The following TPO variants were observed in gnomAD, a reference collection of about 807,000 sequenced individuals.
TPO encodes the protein thyroid microsomal antigen.
TPO carries 78 observed loss-of-function variants against 96.9 expected under a neutral mutation model. That is an observed-to-expected ratio of 0.81 (90% CI 0.67 to 0.97). The LOEUF is 0.97. Among genes scored for constraint, TPO ranks in the 50% least tolerant of loss-of-function variants. The pLI is 0.00. For synonymous variants in TPO, 547 were observed against 538.0 expected, an observed-to-expected ratio of 1.02 and a Z score of -0.23; for missense variants, 1,252 against 1,274.8, an observed-to-expected ratio of 0.98 and a Z score of 0.27.
At position 1,484,790 on chromosome 2, in the gene TPO, C is replaced by T. The variant is rs1345012879; in HGVS notation, c.1533C>T (p.His511=). 1.9e-6 allele frequency: 3 copies of T among 1,613,976 alleles called. No homozygotes were observed. Among genetic ancestry groups the T allele is most frequent in the East Asian group, 2.2e-5 (1 of 44,892 alleles). ...VRRLDASFQE[H]PDLPGLWLHQ... The stretch of plus-strand genomic sequence containing the variant: ...GGCTGGACGCCAGCTTCCAGGAGCA[C>T]CCCGACCTGCCCGGGCTGTGGCTGC... Residue 511 remains histidine, a synonymous_variant, in exon 9 of 17, where the codon CAC becomes CAT. Transcript: ENST00000329066.
intron 14 of TPO, chr2:1,512,331 C>G (rs887320729): frequency 8.7e-6 from 8 of 922,384 alleles, no homozygotes; most frequent in African/African-American, 3.6e-5. Flanking sequence ...CGTTCCCTCC[C>G]AGTGCTACCT....
intron 4 of TPO, 117 bp from the exon 5 acceptor site, chr2:1,436,135 A>G (rs1665545372): frequency 2.0e-6 from 3 of 1,513,854 alleles, no homozygotes; most frequent in East Asian, 4.5e-5. Flanking sequence ...CAGTGACCCC[A>G]GTTACATATG....
At chr2:1,526,008 T>A (rs560997244) in intron 15 of TPO, among the ~76,000 whole-genome samples, 2 of 114,948 alleles carry the variant, frequency 1.7e-5, no homozygotes, top group East Asian at 6.1e-4. Context: ...TCCCCCACTG[T>A]GTGCAACCTC....
intron 7 of TPO, among the ~76,000 whole-genome samples, chr2:1,476,387 G>A (rs1386530990): frequency 6.6e-6 from 1 of 152,152 alleles, no homozygotes; most frequent in Non-Finnish European, 1.5e-5. Context: ...CAGGAAACCT[G>A]TAAATCTGGA....
chr2:1,424,499 G>A (rs937384359), intron 3 of TPO, among the ~76,000 whole-genome samples: 11 of 152,126 alleles, frequency 7.2e-5, no homozygotes, highest in African/African-American at 2.2e-4. Context: ...GTGGTTAGGC[G>A]AGGACATTAG....
chr2:1,533,315 C>T (rs1164913245), intron 15 of TPO, among the ~76,000 whole-genome samples: 3 of 30,554 alleles, frequency 9.8e-5, no homozygotes, highest in Admixed American at 5.2e-4. Flanking sequence ...CCCCACTCTG[C>T]GCAACCTCCT....
chr2:1,498,468 G>A (rs374186442), intron 13 of TPO, among the ~76,000 whole-genome samples: 1 of 152,366 alleles, frequency 6.6e-6, no homozygotes, highest in African/African-American at 2.4e-5. Flanking sequence ...CATGGATAGG[G>A]CAGAGGCCTG....
intron 2 of TPO, among the ~76,000 whole-genome samples, chr2:1,420,229 G>T (rs1484211662): frequency 6.6e-6 from 1 of 152,090 alleles, no homozygotes. Flanking sequence ...TATTAATATT[G>T]GTCAATAACA....
At chr2:1,435,410 T>C (rs1665471165) in intron 4 of TPO, among the ~76,000 whole-genome samples, 1 of 152,232 alleles carries the variant, frequency 6.6e-6, no homozygotes, top group Non-Finnish European at 1.5e-5. Context: ...CGTTGGACTG[T>C]TAGTGAGCAT....
At chr2:1,388,563 G>A (rs368177022) in intron 1 of TPO, among the ~76,000 whole-genome samples, 12 of 152,208 alleles carry the variant, frequency 7.9e-5, no homozygotes, top group South Asian at 2.1e-4. Context: ...TTGGAAAAGC[G>A]CAGTATTATG....
intron 7 of TPO, among the ~76,000 whole-genome samples, chr2:1,467,384 A>G (rs1669000787): frequency 6.6e-6 from 1 of 152,144 alleles, no homozygotes; most frequent in African/African-American, 2.4e-5. Flanking sequence ...GATTACAGGC[A>G]TGAGCCACTG....
At chr2:1,536,119 A>C (rs1227542228) in intron 15 of TPO, among the ~76,000 whole-genome samples, 1 of 34,570 alleles carries the variant, frequency 2.9e-5, no homozygotes, top group Non-Finnish European at 5.3e-5. Context: ...CATTATGTGC[A>C]ACCTCCCCAA....
At chr2:1,374,895 T>A (rs1378540090) in intron 1 of TPO, among the ~76,000 whole-genome samples, 2 of 150,616 alleles carry the variant, frequency 1.3e-5, no homozygotes, top group African/African-American at 4.9e-5. Context: ...CCCAGCTAAA[T>A]TTTTTTTGTA....
At chr2:1,453,653 TC>T (rs1667516847) in intron 5 of TPO, 40 bp from the exon 6 acceptor site, 4 of 1,613,620 alleles carry the variant, frequency 2.5e-6, no homozygotes, top group Non-Finnish European at 3.4e-6. Flanking sequence ...TCTGTGTTCT[TC>T]TCCCCCATCT....
chr2:1,480,849 ATAC>A (rs1670569370), intron 8 of TPO, among the ~76,000 whole-genome samples: 1 of 151,282 alleles, frequency 6.6e-6, no homozygotes, highest in African/African-American at 2.4e-5. Context: ...TGTCCTCACC[ATAC>A]CCACTCTAAT....
At chr2:1,450,265 G>A (rs933568438) in intron 5 of TPO, among the ~76,000 whole-genome samples, 11 of 152,128 alleles carry the variant, frequency 7.2e-5, no homozygotes, top group African/African-American at 2.2e-4. Context: ...TGTGTCTTGC[G>A]GCCTCAGTCC....
upstream of TPO, among the ~76,000 whole-genome samples, chr2:1,410,266 G>A (rs1662312990): frequency 6.6e-6 from 1 of 152,176 alleles, no homozygotes; most frequent in Non-Finnish European, 1.5e-5. Context: ...GTTAATGATA[G>A]CTTGATGAAG....
chr2:1,529,818 G>A (rs1244477496), intron 15 of TPO, among the ~76,000 whole-genome samples: 3 of 129,718 alleles, frequency 2.3e-5, no homozygotes, highest in Admixed American at 8.6e-5. Flanking sequence ...CCCATTGTGT[G>A]CAGCCTCCCC....
chr2:1,375,621 G>A (rs966441362), intron 1 of TPO, among the ~76,000 whole-genome samples: 1 of 152,178 alleles, frequency 6.6e-6, no homozygotes, highest in Admixed American at 6.5e-5. Context: ...ACAGCTGCCT[G>A]TTTGGGAATA....
Sources: allele counts gnomAD v4.1 joint callset (sites outside exome capture counted in the v4.1 genomes callset), GRCh38; gene constraint gnomAD v4.1.1; transcripts MANE v1.5; gene names NCBI Gene and HGNC (gene_info 2026-07-23, HGNC 2026-07-21).